Variants in SEMA3A observed in about 807,000 individuals in gnomAD.
The protein encoded by SEMA3A is semaphorin 3A.
In SEMA3A, 29 loss-of-function variants were observed where a neutral mutation model predicts 97.9. The observed-to-expected ratio is 0.30, with a 90% CI of 0.22 to 0.40. SEMA3A has a LOEUF of 0.40. Among genes scored for constraint, SEMA3A ranks in the 10% least tolerant of loss-of-function variants. The pLI is 1.00. For synonymous variants in SEMA3A, 321 were observed against 323.7 expected, an observed-to-expected ratio of 0.99 and a Z score of 0.09; for missense variants, 763 against 951.3, an observed-to-expected ratio of 0.80 and a Z score of 2.60.
At chr7:84,476,117 G>A (rs1806273792) in intron 1 of SEMA3A, among the ~76,000 whole-genome samples, 1 of 152,060 alleles carries the variant, frequency 6.6e-6, no homozygotes, top group South Asian at 2.1e-4. Flanking sequence ...AGCACTTTGG[G>A]AGGCCAAGGC....
At chr7:84,166,716 CA>C (rs1332885376) in intron 1 of SEMA3A, among the ~76,000 whole-genome samples, 2 of 148,042 alleles carry the variant, frequency 1.4e-5, no homozygotes, top group Non-Finnish European at 1.5e-5. Context: ...ACTAAAAATA[CA>C]AAAAAAAATT....
At chr7:84,117,193 T>C (rs1795458992) in intron 3 of SEMA3A, among the ~76,000 whole-genome samples, 1 of 152,196 alleles carries the variant, frequency 6.6e-6, no homozygotes, top group Non-Finnish European at 1.5e-5. Context: ...ACCATATGTA[T>C]ATATCAACTT....
intron 12 of SEMA3A, among the ~76,000 whole-genome samples, chr7:83,992,845 A>G (rs1790023709): frequency 6.6e-6 from 1 of 152,114 alleles, no homozygotes. Context: ...CGCTTGGTGC[A>G]GAGCTGAGTT....
At chr7:84,382,250 G>C (rs1369960791) in intron 1 of SEMA3A, among the ~76,000 whole-genome samples, 1 of 151,728 alleles carries the variant, frequency 6.6e-6, no homozygotes, top group East Asian at 2.0e-4. Context: ...TGGGATTACA[G>C]GTGCCTGCCG....
chr7:84,192,301 C>T (rs530630461), intron 1 of SEMA3A, among the ~76,000 whole-genome samples: 11 of 151,870 alleles, frequency 7.2e-5, no homozygotes, highest in Non-Finnish European at 1.5e-4. Context: ...AACAAACGTA[C>T]ATGTAGAGAC....
chr7:84,110,630 C>T (rs1795251574), intron 3 of SEMA3A, 41 bp from the exon 4 acceptor site: 1 of 1,611,540 alleles, frequency 6.2e-7, no homozygotes, highest in Non-Finnish European at 8.5e-7. Context: ...CAGCAATCAG[C>T]ATGACTGAGG....
intron 4 of SEMA3A, among the ~76,000 whole-genome samples, chr7:84,094,268 A>G (rs929881106): frequency 3.3e-5 from 5 of 151,896 alleles, no homozygotes; most frequent in African/African-American, 1.2e-4. Flanking sequence ...TTTGAGGCAA[A>G]CGTCCTTCTT....
intron 1 of SEMA3A, among the ~76,000 whole-genome samples, chr7:84,383,928 T>G (rs1803333649): frequency 6.6e-6 from 1 of 152,210 alleles, no homozygotes; most frequent in African/African-American, 2.4e-5. Flanking sequence ...CATGAATTAT[T>G]TAAGAGACAG....
intron 1 of SEMA3A, among the ~76,000 whole-genome samples, chr7:84,463,417 T>G (rs1805911533): frequency 6.6e-6 from 1 of 151,492 alleles, no homozygotes; most frequent in Non-Finnish European, 1.5e-5. Flanking sequence ...CCCGGCTAAT[T>G]TTTTGTATTT....
chr7:84,386,119 A>G (rs1393092213), intron 1 of SEMA3A, among the ~76,000 whole-genome samples: 3 of 152,116 alleles, frequency 2.0e-5, no homozygotes, highest in Non-Finnish European at 4.4e-5. Context: ...CTGTGGGATC[A>G]CTCAACTGAT....
intron 1 of SEMA3A, among the ~76,000 whole-genome samples, chr7:84,425,325 T>G (rs1424709182): frequency 6.5e-5 from 7 of 107,978 alleles, no homozygotes; most frequent in Middle Eastern, 0.012. Context: ...ATGATATAAA[T>G]ATAAATATAA....
At chr7:84,344,717 A>G (rs1802253874) in intron 2 of SEMA3A, among the ~76,000 whole-genome samples, 1 of 152,182 alleles carries the variant, frequency 6.6e-6, no homozygotes. Flanking sequence ...ACGAAGGAGA[A>G]AGAACTATTT....
chr7:84,171,073 T>C (rs578181130), intron 1 of SEMA3A, among the ~76,000 whole-genome samples: 1 of 152,166 alleles, frequency 6.6e-6, no homozygotes, highest in East Asian at 1.9e-4. Context: ...AAGAAAGAAA[T>C]TGAGCTGCCA....
intron 7 of SEMA3A, among the ~76,000 whole-genome samples, chr7:84,012,327 T>C (rs1281074119): frequency 6.6e-6 from 1 of 152,152 alleles, no homozygotes; most frequent in African/African-American, 2.4e-5. Flanking sequence ...ACAGTAAATA[T>C]ATACAATTCT....
intron 3 of SEMA3A, among the ~76,000 whole-genome samples, chr7:84,244,508 A>G (rs1485026667): frequency 6.6e-6 from 1 of 152,150 alleles, no homozygotes; most frequent in Admixed American, 6.5e-5. Flanking sequence ...GGTGTCTTAA[A>G]TAGAGCACAC....
At chr7:84,231,200 GT>G (rs904831139) in intron 3 of SEMA3A, among the ~76,000 whole-genome samples, 1 of 151,940 alleles carries the variant, frequency 6.6e-6, no homozygotes, top group Non-Finnish European at 1.5e-5. Context: ...TTACACATGG[GT>G]TTAAAGTTAT....
chr7:84,459,158 T>C (rs1396210408), intron 1 of SEMA3A, among the ~76,000 whole-genome samples: 2 of 152,190 alleles, frequency 1.3e-5, no homozygotes, highest in African/African-American at 4.8e-5. Flanking sequence ...TGACTTACTG[T>C]CATGTTGCAG....
At chr7:84,023,743 G>T (rs1189352972) in intron 6 of SEMA3A, among the ~76,000 whole-genome samples, 1 of 152,180 alleles carries the variant, frequency 6.6e-6, no homozygotes, top group African/African-American at 2.4e-5. Flanking sequence ...GGGCGCTATG[G>T]CTCACGCCTG....
intron 1 of SEMA3A, among the ~76,000 whole-genome samples, chr7:84,183,809 G>A (rs1024445294): frequency 2.0e-5 from 3 of 151,964 alleles, no homozygotes; most frequent in Non-Finnish European, 4.4e-5. Context: ...AACACTAAAT[G>A]GTATAAAATA....
Sources: gnomAD v4.1 joint callset for allele counts (sites outside exome capture counted in the v4.1 genomes callset) on GRCh38, gnomAD v4.1.1 for gene constraint, MANE v1.5 for transcripts, NCBI Gene and HGNC (gene_info 2026-07-23, HGNC 2026-07-21) for gene names.